Variants in GPHN observed in about 807,000 individuals in gnomAD.
GPHN encodes the protein gephyrin.
In GPHN, 17 loss-of-function variants were observed where a neutral mutation model predicts 95.5. The ratio of observed to expected loss-of-function variants is 0.18; its 90% CI spans 0.12 to 0.27. The LOEUF (loss-of-function observed/expected upper bound fraction) is 0.27. Among genes scored for constraint, GPHN ranks in the 10% least tolerant of loss-of-function variants. The probability of loss-of-function intolerance (pLI) is 1.00; values close to 1 mark genes in which losing one functional copy is unlikely to be tolerated. For synonymous variants in GPHN, 320 were observed against 322.5 expected (o/e 0.99, Z 0.08); for missense variants, 660 against 978.1 (o/e 0.67, Z 4.34).
chr14:66,820,540 T>C (rs1215256264), intron 3 of GPHN, among the ~76,000 whole-genome samples: 1 of 152,190 alleles, frequency 6.6e-6, no homozygotes, highest in Non-Finnish European at 1.5e-5. Context: ...TCATCTTGAA[T>C]GCCATGAGCC....
At chr14:66,960,428 T>C (rs1179232495) in intron 8 of GPHN, among the ~76,000 whole-genome samples, 1 of 152,092 alleles carries the variant, frequency 6.6e-6, no homozygotes, top group East Asian at 1.9e-4. Context: ...TTGTTGCTGC[T>C]TTTTCAGCAG....
At chr14:67,473,189 C>G in the GPHN span, 1 of 583,234 alleles carries the variant, frequency 1.7e-6, no homozygotes, top group Non-Finnish European at 3.0e-6. This position sits in a 1 kb window ranked among gnomAD's most constrained non-coding sequence, Gnocchi z 6.5. Context: ...GGGCCGCGAT[C>G]CATGGACCCT....
At chr14:67,734,512 C>A in the GPHN span, 1,460 of 155,084 alleles carry the variant, frequency 9.4e-3, 32 homozygotes, top group African/African-American at 0.034. Flanking sequence ...AGGAAACCAG[C>A]CTGCTAGTTT....
intron 1 of GPHN, among the ~76,000 whole-genome samples, chr14:66,576,614 A>G (rs2060911281): frequency 6.6e-6 from 1 of 152,182 alleles, no homozygotes; most frequent in South Asian, 2.1e-4. Context: ...TATGGCAAGC[A>G]TATTTTCTAT....
the GPHN span, among the ~76,000 whole-genome samples, chr14:67,694,489 C>CACATAT: frequency 9.7e-5 from 14 of 144,230 alleles, no homozygotes; most frequent in African/African-American, 2.9e-4. Context: ...CACACACACA[C>CACATAT]ATATATATAT....
the GPHN span, chr14:67,301,997 T>C: frequency 6.2e-7 from 1 of 1,606,738 alleles, no homozygotes. Flanking sequence ...CACGATAAGG[T>C]TGCTGAGCAG....
chr14:67,577,441 C>T, the GPHN span: 1 of 1,371,224 alleles, frequency 7.3e-7, no homozygotes. Context: ...GCCAGGCCCA[C>T]CGCTGGGATA....
chr14:67,448,318 T>C, the GPHN span, among the ~76,000 whole-genome samples: 1 of 151,690 alleles, frequency 6.6e-6, no homozygotes, highest in Non-Finnish European at 1.5e-5. Context: ...TTTTTTGTAT[T>C]TTTAGTAGAG....
chr14:67,322,412 G>A, the GPHN span, among the ~76,000 whole-genome samples: 12 of 152,232 alleles, frequency 7.9e-5, no homozygotes, highest in East Asian at 1.7e-3. Context: ...CAAATGTTAC[G>A]GAAAATTGTT....
At chr14:66,963,531 A>G (rs2069106220) in intron 8 of GPHN, among the ~76,000 whole-genome samples, 1 of 152,070 alleles carries the variant, frequency 6.6e-6, no homozygotes, top group African/African-American at 2.4e-5. Flanking sequence ...ATTGCTATGA[A>G]GGAGAGGGAT....
At chr14:67,631,458 C>T in the GPHN span, among the ~76,000 whole-genome samples, 1 of 112,988 alleles carries the variant, frequency 8.9e-6, no homozygotes, top group African/African-American at 3.8e-5. Flanking sequence ...TTTTTTGAGA[C>T]AGGGTCTCAC....
At chr14:67,192,452 AG>A in the GPHN span, among the ~76,000 whole-genome samples, 12 of 152,012 alleles carry the variant, frequency 7.9e-5, no homozygotes, top group Non-Finnish European at 1.6e-4. Context: ...ATGATATCTT[AG>A]TAAGGTGATT....
intron 17 of GPHN, among the ~76,000 whole-genome samples, chr14:67,129,703 G>A (rs375867063): frequency 6.6e-6 from 1 of 151,548 alleles, no homozygotes; most frequent in African/African-American, 2.4e-5. Context: ...GTGATAAACT[G>A]TTCATATTAG....
chr14:66,656,449 T>C (rs1475922321), intron 1 of GPHN, among the ~76,000 whole-genome samples: 1 of 152,160 alleles, frequency 6.6e-6, no homozygotes, highest in Non-Finnish European at 1.5e-5. Flanking sequence ...ATCTCTCCTG[T>C]TTCTTTCGTG....
chr14:66,921,504 C>T (rs570657945), intron 6 of GPHN, among the ~76,000 whole-genome samples: 1 of 150,878 alleles, frequency 6.6e-6, no homozygotes, highest in African/African-American at 2.4e-5. Flanking sequence ...GATATTAGCC[C>T]TTTGTCAGAT....
the GPHN span, among the ~76,000 whole-genome samples, chr14:67,672,604 G>A: frequency 2.6e-5 from 4 of 151,332 alleles, no homozygotes; most frequent in South Asian, 2.1e-4. Context: ...CACCATGCCC[G>A]GCTAATTTTT....
chr14:66,559,683 G>T (rs1197570896), intron 1 of GPHN, among the ~76,000 whole-genome samples: 1 of 151,628 alleles, frequency 6.6e-6, no homozygotes, highest in Non-Finnish European at 1.5e-5. Context: ...CTCCCATTTT[G>T]TAGGTTGCCT....
At chr14:67,505,186 A>C in the GPHN span, among the ~76,000 whole-genome samples, 150 of 152,224 alleles carry the variant, frequency 9.9e-4, 2 homozygotes, top group Middle Eastern at 3.4e-3. Context: ...CCCTCTCTCA[A>C]GCTGAGGGTA....
chr14:67,694,090 G>A, the GPHN span, among the ~76,000 whole-genome samples: 1 of 152,332 alleles, frequency 6.6e-6, no homozygotes, highest in Admixed American at 6.5e-5. Flanking sequence ...CTGTTGACCA[G>A]GAGATGCATT....
Sources: gnomAD v4.1 joint callset for allele counts (sites outside exome capture counted in the v4.1 genomes callset) on GRCh38, gnomAD v4.1.1 for gene constraint, Gnocchi (gnomAD v3.1) non-coding constraint, MANE v1.5 for transcripts, NCBI Gene and HGNC (gene_info 2026-07-23, HGNC 2026-07-21) for gene names.